The following ZDHHC11B variants were observed in gnomAD, a reference collection of about 807,000 sequenced individuals.
ZDHHC11B encodes the protein zDHHC palmitoyltransferase 11B (putative), also known as probable palmitoyltransferase ZDHHC11B.
Under a neutral mutation model 42.3 loss-of-function variants are expected in ZDHHC11B, and 17 were observed. That is an observed-to-expected ratio of 0.40 (90% CI 0.27 to 0.60). The LOEUF is 0.60. ZDHHC11B is among the 20% of genes least tolerant of loss of function. ZDHHC11B has a pLI of 0.41. For synonymous variants in ZDHHC11B, 123 were observed against 193.5 expected (o/e 0.64, Z 3.02); for missense variants, 262 against 463.2 (o/e 0.57, Z 3.99).
At chr5:771,580 AC>A (rs1206951113) in intron 1 of ZDHHC11B, among the ~76,000 whole-genome samples, 1 of 151,578 alleles carries the variant, frequency 6.6e-6, no homozygotes, top group Non-Finnish European at 1.5e-5. Flanking sequence ...CGAGCCAGGA[AC>A]CGTTTCCAGT....
chr5:729,272 G>C (rs1186716908), intron 12 of ZDHHC11B, among the ~76,000 whole-genome samples: 2 of 151,144 alleles, frequency 1.3e-5, no homozygotes, highest in African/African-American at 4.9e-5. Flanking sequence ...ATGTCCACTG[G>C]GCCCTACCTG....
chr5:774,978 T>C (rs1379255110), intron 1 of ZDHHC11B, among the ~76,000 whole-genome samples: 1 of 152,012 alleles, frequency 6.6e-6, no homozygotes, highest in African/African-American at 2.4e-5. Flanking sequence ...CAGAGGAGGC[T>C]GGTGGACAGG....
chr5:783,795 ACAG>A (rs1226844679), intron 1 of ZDHHC11B, among the ~76,000 whole-genome samples: 3 of 122,842 alleles, frequency 2.4e-5, no homozygotes, highest in African/African-American at 6.3e-5. Flanking sequence ...CCCCATCAAA[ACAG>A]CAGCCCCCTA....
intron 13 of ZDHHC11B, among the ~76,000 whole-genome samples, chr5:716,130 T>C (rs1209458211): frequency 6.6e-6 from 1 of 150,812 alleles, no homozygotes; most frequent in Non-Finnish European, 1.5e-5. Flanking sequence ...AGGGTTGCAG[T>C]CTCATTTTAA....
chr5:756,085 G>T lies in ZDHHC11B; in HGVS notation c.282C>A (p.Asp94Glu). 7.0e-7 allele frequency: 1 copy of T among 1,431,310 alleles called. No homozygotes were observed. The highest frequency in any genetic ancestry group is 9.5e-7 in the Non-Finnish European group (1 of 1,049,132). The allele number at this position is 1,431,310 out of a possible 1,614,324, so 88.7% of individuals were successfully genotyped here. Residue 94 changes from aspartate to glutamate, a missense_variant, in exon 5 of 14, where the codon GAC (aspartate) becomes GAA (glutamate). Transcript: ENST00000508859. ...TGAGTCTGACATTGGAGTCGGCCGGGTCGATGCAGGACGCGATCAGGTGGA... is the reference window on the plus strand; with the variant it reads ...TGAGTCTGACATTGGAGTCGGCCGGTTCGATGCAGGACGCGATCAGGTGGA... ...LVVHLIASCI[D>E]PADSNVRLMK... is the part of the protein sequence containing the mutation.
At chr5:717,683 C>G (rs1216875787) in intron 12 of ZDHHC11B, among the ~76,000 whole-genome samples, 1 of 151,806 alleles carries the variant, frequency 6.6e-6, no homozygotes, top group Non-Finnish European at 1.5e-5. Context: ...GGAAACCTTT[C>G]TTGGATCAGA....
intron 1 of ZDHHC11B, among the ~76,000 whole-genome samples, chr5:774,405 G>A (rs1736295226): frequency 6.6e-6 from 1 of 152,196 alleles, no homozygotes; most frequent in Admixed American, 6.5e-5. Context: ...CTGTCACTAG[G>A]AACAGGGGTC....
chr5:714,553 T>C (rs2126944393), intron 13 of ZDHHC11B, among the ~76,000 whole-genome samples: 1 of 113,084 alleles, frequency 8.8e-6, no homozygotes. Flanking sequence ...CCAGATGCTT[T>C]TGAAATGATT....
chr5:713,571 G>C (rs1274872303), intron 13 of ZDHHC11B, among the ~76,000 whole-genome samples: 1 of 152,032 alleles, frequency 6.6e-6, no homozygotes, highest in African/African-American at 2.4e-5. Context: ...TTGAGGCTTA[G>C]GATGAAGGTT....
chr5:753,771 G>A (rs563269635), intron 6 of ZDHHC11B, among the ~76,000 whole-genome samples: 98 of 148,096 alleles, frequency 6.6e-4, no homozygotes, highest in Middle Eastern at 3.4e-3. Flanking sequence ...AGCCTCTCTG[G>A]ACACATGCTG....
intron 8 of ZDHHC11B, 27 bp from the exon 9 acceptor site, chr5:745,325 C>T: frequency 1.9e-6 from 3 of 1,577,824 alleles, no homozygotes; most frequent in Non-Finnish European, 2.6e-6. Flanking sequence ...AGGAACAGGA[C>T]AAGTTACCAG....
In ZDHHC11B at chr5:767,436, G is replaced by C; in HGVS notation, c.-45C>G. 2 of 1,580,878 alleles carry C rather than the reference G, an allele frequency of 1.3e-6. No individual in the cohort carries two copies. Among genetic ancestry groups the C allele is most frequent in the East Asian group, 2.2e-5 (1 of 44,674 alleles). ...CTGTCTCATCTCCGTAGGCTGAGTA[G>C]AGCAGCTCCAACTCGTCCGACTTCA... On this transcript the variant is annotated 5_prime_UTR_variant, in exon 3 of 14. Coordinates refer to ENST00000508859, the MANE Select transcript of ZDHHC11B (RefSeq NM_001351303.2).
At chr5:715,386 G>A (rs1294454306) in intron 13 of ZDHHC11B, among the ~76,000 whole-genome samples, 2 of 151,334 alleles carry the variant, frequency 1.3e-5, no homozygotes, top group African/African-American at 4.9e-5. Flanking sequence ...GGTGGGAGGA[G>A]CACGTAGACT....
chr5:752,656 T>C (rs1745929806), intron 6 of ZDHHC11B, among the ~76,000 whole-genome samples: 1 of 97,874 alleles, frequency 1.0e-5, no homozygotes, highest in African/African-American at 2.9e-5. Flanking sequence ...GCGCTCCTCC[T>C]CCCTCCAAGA....
At position 779,299 on chromosome 5, in the gene ZDHHC11B, C is replaced by T. The variant is rs190144310; in HGVS notation, c.-230+5369G>A. Among the ~76,000 whole-genome samples the T allele has an allele frequency of 2.7e-4, 41 of 149,482 alleles. 1 individual carries two copies. Among genetic ancestry groups the T allele is most frequent in the South Asian group, 4.3e-4 (2 of 4,672 alleles). On this transcript the variant is annotated intron_variant, in intron 1 of 13. Coordinates refer to ENST00000508859, the MANE Select transcript of ZDHHC11B (RefSeq NM_001351303.2). Reference sequence around the variant, plus strand: ...TGGTCTCCAGGATGATGGGGGAATGCGTCCCTGTTGTGTTAACCCCGGACT... The same window carrying T: ...TGGTCTCCAGGATGATGGGGGAATGTGTCCCTGTTGTGTTAACCCCGGACT...
At chr5:754,219 AC>A (rs1475966280) in intron 6 of ZDHHC11B, among the ~76,000 whole-genome samples, 1 of 97,744 alleles carries the variant, frequency 1.0e-5, no homozygotes, top group Non-Finnish European at 2.2e-5. Context: ...CAGGGGAAAC[AC>A]GTCTCATCTA....
chr5:767,862 G>A (rs1417936102), intron 2 of ZDHHC11B, among the ~76,000 whole-genome samples: 2 of 24,634 alleles, frequency 8.1e-5, no homozygotes, highest in African/African-American at 2.4e-4. Flanking sequence ...AACACACACC[G>A]CAGGGACCAC....
chr5:760,876 C>G (rs1237598086), intron 4 of ZDHHC11B, among the ~76,000 whole-genome samples: 1 of 151,396 alleles, frequency 6.6e-6, no homozygotes, highest in Admixed American at 6.6e-5. Flanking sequence ...GACAGTGCAG[C>G]GGGACAGGCC....
chr5:773,821 C>G (rs1296162317), intron 1 of ZDHHC11B, among the ~76,000 whole-genome samples: 4 of 151,800 alleles, frequency 2.6e-5, no homozygotes, highest in Admixed American at 2.6e-4. Flanking sequence ...GAGCCCACCC[C>G]ACTCCCACAC....
Sources: gnomAD v4.1 joint callset for allele counts (sites outside exome capture counted in the v4.1 genomes callset) on GRCh38, gnomAD v4.1.1 for gene constraint, MANE v1.5 for transcripts, NCBI Gene and HGNC (gene_info 2026-07-23, HGNC 2026-07-21) for gene names.